Variants in MAN1C1 observed in about 807,000 individuals in gnomAD.
The protein encoded by MAN1C1 is mannosidase alpha class 1C member 1, also known as mannosyl-oligosaccharide 1,2-alpha-mannosidase IC.
In MAN1C1, 49 loss-of-function variants were observed where a neutral mutation model predicts 71.5. That is an observed-to-expected ratio of 0.69 (90% CI 0.54 to 0.87). The LOEUF is 0.87. Among genes scored for constraint, MAN1C1 ranks in the 40% least tolerant of loss-of-function variants. The pLI, the probability that MAN1C1 is intolerant of heterozygous loss-of-function variation, is 0.00. For missense variants in MAN1C1, 743 were observed against 835.0 expected, an observed-to-expected ratio of 0.89 and a Z score of 1.36; for synonymous variants, 352 against 343.7, an observed-to-expected ratio of 1.02 and a Z score of -0.27.
Position 25,634,687 on chromosome 1 carries a change from G to A in MAN1C1, c.540+16350G>A, listed in dbSNP as rs372564534. Among the ~76,000 whole-genome samples the A allele has an allele frequency of 2.0e-5, 3 of 152,142 alleles. No homozygotes were observed. Among genetic ancestry groups the A allele is most frequent in the African/African-American group, 7.2e-5 (3 of 41,502 alleles). On this transcript the variant is annotated intron_variant, in intron 1 of 11. Transcript: ENST00000374332. This position sits in a 1 kb window ranked among gnomAD's most constrained non-coding sequence, Gnocchi z 4.6. ...TACAAAAAATCAGCCGGGCTTCTTGGCACACGCCTGTAGTCCCAGCTATTC... is the reference window on the plus strand; with the variant it reads ...TACAAAAAATCAGCCGGGCTTCTTGACACACGCCTGTAGTCCCAGCTATTC...
chr1:25,756,611 G>A (rs1198491669), intron 5 of MAN1C1, among the ~76,000 whole-genome samples: 1 of 152,122 alleles, frequency 6.6e-6, no homozygotes, highest in Non-Finnish European at 1.5e-5. Context: ...GTTAGCCTTG[G>A]GGGAAGAGGG....
In MAN1C1 at chr1:25,769,189, C is replaced by T. The variant is rs556749525; in HGVS notation, c.1142-2468C>T. ...ACACACCCCACACATTACACACACT[C>T]GCCTCATGCACACACCCCACACACT... is the stretch of plus-strand genomic sequence containing the variant. On this transcript the variant is annotated intron_variant, in intron 7 of 11. Coordinates refer to ENST00000374332, the MANE Select transcript of MAN1C1 (RefSeq NM_020379.4). The surrounding 1 kb of genome is among the most constrained non-coding windows in gnomAD (Gnocchi z 4.8). 5.4e-4 allele frequency among the ~76,000 whole-genome samples: 81 copies of T among 150,556 alleles called. No homozygotes were observed. Among genetic ancestry groups the T allele is most frequent in the African/African-American group, 1.8e-3 (72 of 40,958 alleles).
intron 3 of MAN1C1, among the ~76,000 whole-genome samples, chr1:25,748,072 T>C (rs1557790680): frequency 6.6e-6 from 1 of 151,922 alleles, no homozygotes; most frequent in Non-Finnish European, 1.5e-5. Flanking sequence ...AGTGTCCCCA[T>C]AGGCCTGCCT....
In MAN1C1 at chr1:25,746,657, T is replaced by C; in HGVS notation, c.638-11T>C. On this transcript the variant is annotated splice_polypyrimidine_tract_variant and intron_variant, in intron 2 of 11. Coordinates refer to ENST00000374332, the MANE Select transcript of MAN1C1 (RefSeq NM_020379.4). This position sits in a 1 kb window ranked among gnomAD's most constrained non-coding sequence, Gnocchi z 4.0. ...GCCCTGGGTCACACCCTCAATGCTC[T>C]GTGCCTGCAGGAGGCCTCAGCGGGG... is the stretch of plus-strand genomic sequence containing the variant. 6.3e-7 allele frequency: 1 copy of C among 1,597,802 alleles called. No homozygotes were observed. The highest frequency in any genetic ancestry group is 8.6e-7 in the Non-Finnish European group (1 of 1,165,414).
chr1:25,636,672 A>G (rs1252019802), intron 1 of MAN1C1, among the ~76,000 whole-genome samples: 1 of 152,246 alleles, frequency 6.6e-6, no homozygotes, highest in African/African-American at 2.4e-5. Context: ...TAAGACAATT[A>G]TCACAGTGGT....
At chr1:25,641,540 C>G (rs1032550168) in intron 1 of MAN1C1, among the ~76,000 whole-genome samples, 1 of 152,228 alleles carries the variant, frequency 6.6e-6, no homozygotes, top group Non-Finnish European at 1.5e-5. Flanking sequence ...CCCTTTATTG[C>G]AGTCCGGAAT....
At chr1:25,781,537 A>C (rs1341053059) in intron 10 of MAN1C1, among the ~76,000 whole-genome samples, 1 of 150,638 alleles carries the variant, frequency 6.6e-6, no homozygotes, top group African/African-American at 2.4e-5. Flanking sequence ...GGACCCCCCC[A>C]CCCTAGTCTC....
intron 1 of MAN1C1, among the ~76,000 whole-genome samples, chr1:25,669,883 T>A (rs570593616): frequency 6.6e-6 from 1 of 152,338 alleles, no homozygotes; most frequent in African/African-American, 2.4e-5. Flanking sequence ...TACCCATGAA[T>A]GTTGGTAGTT....
At chr1:25,781,349 A>C in intron 10 of MAN1C1, 2 of 478,950 alleles carry the variant, frequency 4.2e-6, no homozygotes, top group Admixed American at 3.6e-5. Flanking sequence ...GAGTGCCCAT[A>C]TCCTTGGGGC....
chr1:25,639,926 G>A (rs182590897), intron 1 of MAN1C1, among the ~76,000 whole-genome samples: 8 of 152,228 alleles, frequency 5.3e-5, no homozygotes, highest in South Asian at 2.1e-4. Context: ...GATATTTGTC[G>A]TGTTCTAGTA....
At chr1:25,750,865 A>G (rs3817762) in intron 4 of MAN1C1, among the ~76,000 whole-genome samples, 82,766 of 151,914 alleles carry the variant, frequency 0.54, 24,512 homozygotes, top group Middle Eastern at 0.78. Context: ...GGCCTGCAGG[A>G]AGGAAGAGGG....
At chr1:25,696,728 C>T (rs1279186943) in intron 2 of MAN1C1, among the ~76,000 whole-genome samples, 1 of 152,106 alleles carries the variant, frequency 6.6e-6, no homozygotes, top group African/African-American at 2.4e-5. Context: ...CTCACTGCAG[C>T]CTCTAACTCC....
chr1:25,734,494 T>C (rs1054792557), intron 2 of MAN1C1, among the ~76,000 whole-genome samples: 1 of 152,248 alleles, frequency 6.6e-6, no homozygotes, highest in African/African-American at 2.4e-5. Flanking sequence ...AAAAGGATTG[T>C]TCTTAACTTC....
At chr1:25,694,121 C>T (rs2046340634) in intron 2 of MAN1C1, among the ~76,000 whole-genome samples, 1 of 152,196 alleles carries the variant, frequency 6.6e-6, no homozygotes. Flanking sequence ...TATTTTCCCT[C>T]ATGTCCTTCG....
chr1:25,699,260 A>C (rs1343738634), intron 2 of MAN1C1, among the ~76,000 whole-genome samples: 1 of 151,598 alleles, frequency 6.6e-6, no homozygotes, highest in Non-Finnish European at 1.5e-5. Context: ...AGATTGCGCC[A>C]TTGCACTCCA....
At chr1:25,664,914 A>C (rs2045899609) in intron 1 of MAN1C1, among the ~76,000 whole-genome samples, 1 of 152,150 alleles carries the variant, frequency 6.6e-6, no homozygotes. Flanking sequence ...AAATATATAT[A>C]CTGCTCAGTT....
In MAN1C1 at chr1:25,778,853, C is replaced by T. The variant is rs2047655814; in HGVS notation, c.1477+529C>T. On this transcript the variant is annotated intron_variant, in intron 9 of 11. Transcript: ENST00000374332. This position sits in a 1 kb window ranked among gnomAD's most constrained non-coding sequence, Gnocchi z 5.5. ...GAAAGCCTGAGAGCTTGGTCCTCCC[C>T]ACCCACCACTCACCACTGAATTGTC... Among the ~76,000 whole-genome samples the T allele has an allele frequency of 6.6e-6, 1 of 152,270 alleles. No homozygotes were observed. The highest frequency in any genetic ancestry group is 2.1e-4 in the South Asian group (1 of 4,818).
chr1:25,746,483 C>G lies in MAN1C1; in HGVS notation c.638-185C>G, dbSNP rs375478005. ...GCCTTGAGGAGGAAGCAGCCCATGG[C>G]GGGGACTCTGGGTCTCGGCGTCACC... On this transcript the variant is annotated intron_variant, in intron 2 of 11. Transcript: ENST00000374332. The surrounding 1 kb of genome is among the most constrained non-coding windows in gnomAD (Gnocchi z 4.0). Among the ~76,000 whole-genome samples the G allele has an allele frequency of 6.6e-6, 1 of 152,150 alleles. No homozygotes were observed. Among genetic ancestry groups the G allele is most frequent in the Non-Finnish European group, 1.5e-5 (1 of 68,032 alleles).
At position 25,784,139 on chromosome 1, in the gene MAN1C1, G is replaced by A. The variant is rs74060837; in HGVS notation, c.*350G>A. 1.4e-3 allele frequency: 281 copies of A among 203,594 alleles called. 4 individuals carry two copies. The highest frequency in any genetic ancestry group is 5.7e-3 in the African/African-American group (250 of 43,696). The allele number at this position is 203,594 out of a possible 1,614,324, so 12.6% of individuals were successfully genotyped here. On this transcript the variant is annotated 3_prime_UTR_variant, in exon 12 of 12. Coordinates refer to ENST00000374332, the MANE Select transcript of MAN1C1 (RefSeq NM_020379.4). ...TTGGTTTTTGTTTTTGCTTGATTTTGTCTTTTCTCTACAGTTTAGTTTTGT... is the reference window on the plus strand; with the variant it reads ...TTGGTTTTTGTTTTTGCTTGATTTTATCTTTTCTCTACAGTTTAGTTTTGT...
Sources: gnomAD v4.1 joint callset for allele counts (sites outside exome capture counted in the v4.1 genomes callset) on GRCh38, gnomAD v4.1.1 for gene constraint, Gnocchi (gnomAD v3.1) non-coding constraint, MANE v1.5 for transcripts, NCBI Gene and HGNC (gene_info 2026-07-23, HGNC 2026-07-21) for gene names.